UNC13C: variants seen among roughly 807,000 people sequenced by gnomAD.
UNC13C encodes protein unc-13 homolog C.
Under a neutral mutation model 245.4 loss-of-function variants are expected in UNC13C, and 174 were observed. That is an observed-to-expected ratio of 0.71 (90% confidence interval 0.63 to 0.80). The LOEUF is 0.80. Ranked by LOEUF, UNC13C falls within the 30% of genes least tolerant of loss-of-function variation. UNC13C has a pLI of 0.00. For missense variants in UNC13C, 2,829 were observed against 2,602.9 expected (o/e 1.09, Z -1.89); for synonymous variants, 992 against 895.1 (o/e 1.11, Z -1.93).
chr15:54,390,787 G>C (rs1216163475), intron 17 of UNC13C, among the ~76,000 whole-genome samples: 1 of 151,970 alleles, frequency 6.6e-6, no homozygotes, highest in East Asian at 1.9e-4. Context: ...GTTTCACATA[G>C]AGAAACTTAA....
At chr15:54,548,423 C>T (rs368810275) in intron 27 of UNC13C, among the ~76,000 whole-genome samples, 1 of 151,578 alleles carries the variant, frequency 6.6e-6, no homozygotes, top group East Asian at 1.9e-4. Flanking sequence ...GGGGTTTCAC[C>T]GTGTTAGCCA....
At chr15:53,899,000 G>C in the UNC13C span, among the ~76,000 whole-genome samples, 5 of 150,146 alleles carry the variant, frequency 3.3e-5, no homozygotes, top group African/African-American at 9.8e-5. Context: ...ACTTCCTCTT[G>C]AGGGTTTTGT....
chr15:54,230,994 C>G (rs957426949), intron 4 of UNC13C, among the ~76,000 whole-genome samples: 1 of 152,054 alleles, frequency 6.6e-6, no homozygotes, highest in Non-Finnish European at 1.5e-5. Context: ...GACTTTCCAA[C>G]TACTTCCATC....
At chr15:54,085,638 G>A (rs1049224759) in intron 2 of UNC13C, among the ~76,000 whole-genome samples, 2 of 151,838 alleles carry the variant, frequency 1.3e-5, no homozygotes, top group East Asian at 1.9e-4. Context: ...TATAGAGATA[G>A]GGTCTCCTTT....
At chr15:54,005,578 T>C (rs1895099028) in intron 1 of UNC13C, among the ~76,000 whole-genome samples, 1 of 152,180 alleles carries the variant, frequency 6.6e-6, no homozygotes, top group Non-Finnish European at 1.5e-5. Context: ...GAAAAACATA[T>C]GTAAGAGCTG....
intron 2 of UNC13C, among the ~76,000 whole-genome samples, chr15:54,080,021 T>A (rs976052173): frequency 6.7e-6 from 1 of 149,084 alleles, no homozygotes; most frequent in African/African-American, 2.5e-5. Flanking sequence ...TTTTTTTTTT[T>A]ATCATAAAGT....
rs147408877 is a variant in UNC13C, at chr15:54,224,431, AC to A, written c.3072-10598del. Among the ~76,000 whole-genome samples, 381 of 152,284 alleles carry A rather than the reference AC, an allele frequency of 2.5e-3. 2 individuals are homozygous for A. The highest frequency in any genetic ancestry group is 8.9e-3 in the African/African-American group (370 of 41,564). On this transcript the variant is annotated intron_variant, in intron 4 of 32. Transcript: ENST00000260323. ...TTATTCTGTTGATGTGATGTATCACACTGACTGATTTGGGTATGATGAACCA... is the reference window on the plus strand; with the variant it reads ...TTATTCTGTTGATGTGATGTATCACATGACTGATTTGGGTATGATGAACCA...
chr15:54,263,199 A>G (rs2036470322), intron 8 of UNC13C, among the ~76,000 whole-genome samples: 1 of 152,140 alleles, frequency 6.6e-6, no homozygotes. Flanking sequence ...TCTTTCGATT[A>G]TTTTCACTGT....
intron 4 of UNC13C, among the ~76,000 whole-genome samples, chr15:54,202,124 A>T (rs186476882): frequency 6.6e-6 from 1 of 152,092 alleles, no homozygotes; most frequent in East Asian, 1.9e-4. Flanking sequence ...AAGGTGAAAG[A>T]CCTCTGCAAG....
chr15:54,331,093 C>T (rs2038423900), intron 14 of UNC13C, among the ~76,000 whole-genome samples: 1 of 151,982 alleles, frequency 6.6e-6, no homozygotes, highest in African/African-American at 2.4e-5. Flanking sequence ...CCCATAAATC[C>T]ACCTCCTCTG....
intron 26 of UNC13C, among the ~76,000 whole-genome samples, chr15:54,536,472 A>T (rs1292462098): frequency 6.6e-6 from 1 of 151,702 alleles, no homozygotes; most frequent in Non-Finnish European, 1.5e-5. Flanking sequence ...CTACTCCACA[A>T]CTCATTCAAT....
At chr15:53,969,382 C>G in the UNC13C span, among the ~76,000 whole-genome samples, 6 of 152,054 alleles carry the variant, frequency 3.9e-5, no homozygotes, top group Admixed American at 3.9e-4. Context: ...TAATACATAG[C>G]CTGATGCCTC....
At chr15:54,588,407 G>C (rs1298671838) in intron 30 of UNC13C, among the ~76,000 whole-genome samples, 1 of 152,180 alleles carries the variant, frequency 6.6e-6, no homozygotes, top group African/African-American at 2.4e-5. Context: ...GTTGACAGTA[G>C]TGTCCCCTAA....
intron 4 of UNC13C, among the ~76,000 whole-genome samples, chr15:54,181,190 A>G (rs1411351996): frequency 6.6e-6 from 1 of 152,070 alleles, no homozygotes; most frequent in Non-Finnish European, 1.5e-5. Context: ...GGTAAAAGGT[A>G]GGGATACACT....
At chr15:54,609,268 A>G (rs981769934) in intron 30 of UNC13C, 1 of 152,186 alleles carries the variant, frequency 6.6e-6, no homozygotes, top group Non-Finnish European at 1.5e-5. Flanking sequence ...CCCAGGTACC[A>G]ATTATTGGAT....
chr15:53,994,435 C>G (rs1438292893), intron 1 of UNC13C, among the ~76,000 whole-genome samples: 1 of 152,016 alleles, frequency 6.6e-6, no homozygotes, highest in Non-Finnish European at 1.5e-5. Flanking sequence ...ATGCCACACC[C>G]ATTTCACTTG....
chr15:54,496,642 AG>A (rs1893961392), intron 20 of UNC13C, among the ~76,000 whole-genome samples: 1 of 152,170 alleles, frequency 6.6e-6, no homozygotes, highest in Non-Finnish European at 1.5e-5. Context: ...AGCCATAAAA[AG>A]GAATGAAATA....
At chr15:53,870,013 G>A in the UNC13C span, among the ~76,000 whole-genome samples, 453 of 152,060 alleles carry the variant, frequency 3.0e-3, no homozygotes, top group Middle Eastern at 6.8e-3. Context: ...CAAAATCTTC[G>A]AGCCTTCCAA....
intron 30 of UNC13C, among the ~76,000 whole-genome samples, chr15:54,580,176 G>T (rs571244681): frequency 2.8e-4 from 43 of 152,308 alleles, no homozygotes; most frequent in African/African-American, 1.0e-3. Context: ...TGACCAATGG[G>T]GTCAGTGGCG....
Sources: gnomAD v4.1 joint callset for allele counts (sites outside exome capture counted in the v4.1 genomes callset) on GRCh38, gnomAD v4.1.1 for gene constraint, MANE v1.5 for transcripts, NCBI Gene and HGNC (gene_info 2026-07-23, HGNC 2026-07-21) for gene names.